The following WWOX variants were observed in gnomAD, a reference collection of about 807,000 sequenced individuals.
WWOX encodes WW domain-containing oxidoreductase.
A neutral mutation model predicts 46.2 loss-of-function variants in WWOX; 69 were observed. The ratio of observed to expected loss-of-function variants is 1.49; its 90% CI spans 1.23 to 1.82. The LOEUF is 1.82. Ranked by LOEUF, WWOX falls within the 40% of genes most tolerant of loss-of-function variation. WWOX has a pLI of 0.00. For missense variants in WWOX, 919 were observed against 542.6 expected, an observed-to-expected ratio of 1.69 and a Z score of -6.89; for synonymous variants, 359 against 202.6, an observed-to-expected ratio of 1.77 and a Z score of -6.56.
At position 78,987,780 on chromosome 16, in the gene WWOX, C is replaced by G. The variant is rs1019319962; in HGVS notation, c.1057-223828C>G. 1.3e-5 allele frequency among the ~76,000 whole-genome samples: 2 copies of G among 152,250 alleles called. 1 individual carries two copies. Among genetic ancestry groups the G allele is most frequent in the East Asian group, 3.9e-4 (2 of 5,160 alleles). The stretch of plus-strand genomic sequence containing the variant: ...GTCCTTTTCTTCTTGGGCTGATGAA[C>G]TTGTCAACTTTTAAAAAATGTGCTC... On this transcript the variant is annotated intron_variant, in intron 8 of 8. Transcript: ENST00000566780.
intron 5 of WWOX, among the ~76,000 whole-genome samples, chr16:78,215,561 A>T (rs56242360): frequency 0.028 from 4,319 of 152,256 alleles, 100 homozygotes; most frequent in Non-Finnish European, 0.043. Context: ...GCCATGCGGA[A>T]CTGTGAGTCA....
At chr16:79,011,630 C>G (rs921408469) in intron 8 of WWOX, among the ~76,000 whole-genome samples, 8 of 151,612 alleles carry the variant, frequency 5.3e-5, no homozygotes, top group African/African-American at 1.9e-4. Context: ...GTAACTGGGA[C>G]TACTGTGATG....
intron 8 of WWOX, among the ~76,000 whole-genome samples, chr16:78,628,377 C>T (rs535003412): frequency 2.0e-5 from 3 of 152,212 alleles, no homozygotes; most frequent in South Asian, 4.2e-4. Context: ...TCCCAAGCCC[C>T]GTGTGGCCAT....
chr16:78,893,278 C>G (rs112795155), intron 8 of WWOX, among the ~76,000 whole-genome samples: 1 of 152,244 alleles, frequency 6.6e-6, no homozygotes, highest in South Asian at 2.1e-4. Flanking sequence ...CTGCCAACCT[C>G]CCAGTGCCAC....
intron 8 of WWOX, among the ~76,000 whole-genome samples, chr16:78,461,427 A>G (rs2083945858): frequency 6.6e-6 from 1 of 152,242 alleles, no homozygotes. Flanking sequence ...TATAGATGGT[A>G]GAGAATTCTG....
intron 8 of WWOX, among the ~76,000 whole-genome samples, chr16:78,564,689 C>G (rs894498673): frequency 2.0e-5 from 3 of 152,182 alleles, no homozygotes; most frequent in African/African-American, 7.2e-5. Context: ...AAATAAATTT[C>G]TGGCACCCTT....
At chr16:78,761,985 G>A (rs1405664484) in intron 8 of WWOX, among the ~76,000 whole-genome samples, 1 of 152,128 alleles carries the variant, frequency 6.6e-6, no homozygotes, top group Non-Finnish European at 1.5e-5. Context: ...ACTGTGCAGT[G>A]AGGATGAATC....
chr16:78,796,424 C>A (rs1045263656), intron 8 of WWOX, among the ~76,000 whole-genome samples: 1 of 152,212 alleles, frequency 6.6e-6, no homozygotes, highest in Non-Finnish European at 1.5e-5. Context: ...CTTCCACCTG[C>A]TTCCCATTGG....
chr16:78,621,592 CTTTTTTTTTTTT>C lies in WWOX; in HGVS notation c.1056+188859_1056+188870del, dbSNP rs34182797. Among the ~76,000 whole-genome samples, 30 of 31,542 alleles carry C rather than the reference CTTTTTTTTTTTT, an allele frequency of 9.5e-4. 1 individual carries two copies. Among genetic ancestry groups the C allele is most frequent in the Admixed American group, 2.4e-3 (5 of 2,120 alleles). 20.7% of individuals were successfully genotyped at this position (31,542 alleles called of 152,430 possible). ...ACCTTTAACCTTGTGTTGTTCTAAT[CTTTTTTTTTTTT>C]TTTTTTTTTTTTTTTTTTGAGACAG... is the stretch of plus-strand genomic sequence containing the variant. On this transcript the variant is annotated intron_variant, in intron 8 of 8. Transcript: ENST00000566780.
intron 8 of WWOX, among the ~76,000 whole-genome samples, chr16:78,720,947 A>G (rs1305297736): frequency 6.6e-6 from 1 of 152,134 alleles, no homozygotes; most frequent in South Asian, 2.1e-4. Flanking sequence ...CTTCTCCATC[A>G]TCAGGGGAGC....
At chr16:78,506,505 G>C (rs1022904268) in intron 8 of WWOX, 1 of 152,086 alleles carries the variant, frequency 6.6e-6, no homozygotes, top group African/African-American at 2.4e-5. Context: ...TTTATGGCCC[G>C]GTGAGACCGC....
At chr16:78,751,475 A>G (rs960732398) in intron 8 of WWOX, among the ~76,000 whole-genome samples, 1 of 145,546 alleles carries the variant, frequency 6.9e-6, no homozygotes, top group African/African-American at 2.5e-5. Flanking sequence ...ATATATATAT[A>G]TATATATATA....
chr16:78,647,999 C>G (rs2046882812), intron 8 of WWOX, among the ~76,000 whole-genome samples: 1 of 152,284 alleles, frequency 6.6e-6, no homozygotes, highest in South Asian at 2.1e-4. Flanking sequence ...TTAGTATTTT[C>G]CATTATTCAT....
At chr16:79,007,050 T>A (rs1215029639) in intron 8 of WWOX, among the ~76,000 whole-genome samples, 1 of 152,108 alleles carries the variant, frequency 6.6e-6, no homozygotes, top group Non-Finnish European at 1.5e-5. Flanking sequence ...AGGGGACCAT[T>A]ATCCAGCCTT....
At chr16:78,873,017 G>T (rs749920741) in intron 8 of WWOX, 2 of 152,282 alleles carry the variant, frequency 1.3e-5, no homozygotes, top group African/African-American at 4.8e-5. Flanking sequence ...GGCTGGTCTG[G>T]AGCTCCTGGC....
rs75605937 is a variant in WWOX, at chr16:78,815,945, C to T, written c.1056+383193C>T. On this transcript the variant is annotated intron_variant, in intron 8 of 8. Coordinates refer to ENST00000566780, the MANE Select transcript of WWOX (RefSeq NM_016373.4). ...CCCATTCACTGGCCCTGCTCTCTCT[C>T]GATGTTCCCAAGTCTCCTGGGTGAC... Among the ~76,000 whole-genome samples, 916 of 152,278 alleles carry T rather than the reference C, an allele frequency of 6.0e-3. 4 individuals are homozygous for T. Among genetic ancestry groups the T allele is most frequent in the African/African-American group, 0.021 (861 of 41,550 alleles).
chr16:79,091,313 T>G (rs2048955537), intron 8 of WWOX, among the ~76,000 whole-genome samples: 1 of 152,298 alleles, frequency 6.6e-6, no homozygotes, highest in East Asian at 1.9e-4. Flanking sequence ...TTTTGCTATA[T>G]GCTGATCCCA....
intron 8 of WWOX, among the ~76,000 whole-genome samples, chr16:79,008,621 A>G (rs2047238341): frequency 6.6e-6 from 1 of 152,196 alleles, no homozygotes; most frequent in Non-Finnish European, 1.5e-5. Context: ...CACCATGCCA[A>G]AGGCCATGGA....
At chr16:78,614,128 A>G (rs1225632198) in intron 8 of WWOX, among the ~76,000 whole-genome samples, 2 of 152,192 alleles carry the variant, frequency 1.3e-5, no homozygotes, top group African/African-American at 4.8e-5. Context: ...TGAATATCTC[A>G]CATCAGAATG....
Sources: allele counts gnomAD v4.1 joint callset (sites outside exome capture counted in the v4.1 genomes callset), GRCh38; gene constraint gnomAD v4.1.1; transcripts MANE v1.5; gene names NCBI Gene and HGNC (gene_info 2026-07-23, HGNC 2026-07-21).